CENPP: variants seen among roughly 807,000 people sequenced by gnomAD.
The protein encoded by CENPP is centromere protein P.
CENPP carries 24 observed loss-of-function variants against 35.6 expected under a neutral mutation model. The ratio of observed to expected loss-of-function variants is 0.67; its 90% CI spans 0.49 to 0.95. The LOEUF is 0.95. CENPP is among the 40% of genes least tolerant of loss of function. The pLI, the probability that CENPP is intolerant of heterozygous loss-of-function variation, is 0.00. For missense variants in CENPP, 332 were observed against 345.3 expected (o/e 0.96, Z 0.31); for synonymous variants, 120 against 125.5 (o/e 0.96, Z 0.29).
At chr9:92,609,573 G>A (rs1365046886) in intron 5 of CENPP, among the ~76,000 whole-genome samples, 1 of 152,222 alleles carries the variant, frequency 6.6e-6, no homozygotes, top group Non-Finnish European at 1.5e-5. Context: ...GCACCCCCAG[G>A]CTTCTATATC....
In CENPP at chr9:92,616,257, C is replaced by T. The variant is rs1851430137; in HGVS notation, c.*3108C>T. On this transcript the variant is annotated 3_prime_UTR_variant, in exon 8 of 8. Transcript: ENST00000375587. Reference sequence around the variant, plus strand: ...GCTCACAAAGAGCACTCGTTCTGTGCACCTGTGATCTGTGCGTGTGACAGC... The same window carrying T: ...GCTCACAAAGAGCACTCGTTCTGTGTACCTGTGATCTGTGCGTGTGACAGC... 1.9e-6 allele frequency: 1 copy of T among 532,216 alleles called. No homozygotes were observed. The highest frequency in any genetic ancestry group is 3.2e-5 in the Admixed American group (1 of 31,340). The allele number at this position is 532,216 out of a possible 1,614,324, so 33.0% of individuals were successfully genotyped here.
intron 5 of CENPP, chr9:92,389,653 T>G (rs1053019172): frequency 2.3e-6 from 1 of 435,260 alleles, no homozygotes; most frequent in African/African-American, 2.0e-5. Context: ...AAATAAAGGT[T>G]ATGTATTTTA....
At chr9:92,448,322 T>G (rs1588135933) in intron 5 of CENPP, among the ~76,000 whole-genome samples, 2 of 151,770 alleles carry the variant, frequency 1.3e-5, no homozygotes, top group South Asian at 4.2e-4. Flanking sequence ...GAGGCTGGTG[T>G]GCGGTGGCAT....
At position 92,379,802 on chromosome 9, in the gene CENPP, C is replaced by A; in HGVS notation, c.507C>A (p.Ser169Arg). 6.2e-7 allele frequency: 1 copy of A among 1,613,444 alleles called. No individual in the cohort carries two copies. Among genetic ancestry groups the A allele is most frequent in the Non-Finnish European group, 8.5e-7 (1 of 1,179,486 alleles). The change falls in exon 5 of 8, where the codon AGC becomes AGA. Residue 169 changes from serine (S) to arginine (R), a missense_variant. Coordinates refer to ENST00000375587, the MANE Select transcript of CENPP (RefSeq NM_001012267.3). ...AAGATCTGTTCATGTTTTTCCGAAG[C>A]CTGCATTTTTTTGTGGAGTGGTTTG... ...ERKDLFMFFR[S>R]LHFFVEWFEY... is the part of the protein sequence containing the mutation.
At chr9:92,590,171 T>C (rs567241214) in intron 5 of CENPP, among the ~76,000 whole-genome samples, 1 of 152,336 alleles carries the variant, frequency 6.6e-6, no homozygotes, top group Admixed American at 6.5e-5. Context: ...TGAGGTACAG[T>C]TCAACAAAGA....
At chr9:92,493,878 T>C in intron 5 of CENPP, 1 of 366,308 alleles carries the variant, frequency 2.7e-6, no homozygotes. Flanking sequence ...CAGAGCAGAG[T>C]TGAGAAGCGA....
chr9:92,597,029 A>G (rs1402941865), intron 5 of CENPP, among the ~76,000 whole-genome samples: 1 of 152,164 alleles, frequency 6.6e-6, no homozygotes, highest in Non-Finnish European at 1.5e-5. Flanking sequence ...TGCTGCTACA[A>G]ATTGATTGTG....
chr9:92,452,048 G>GGA (rs1844726709), intron 5 of CENPP, among the ~76,000 whole-genome samples: 1 of 148,230 alleles, frequency 6.7e-6, no homozygotes, highest in Non-Finnish European at 1.5e-5. Context: ...CTGCAAACAG[G>GGA]GACAATTTGA....
At chr9:92,500,429 C>T (rs1417096388) in intron 5 of CENPP, among the ~76,000 whole-genome samples, 1 of 152,206 alleles carries the variant, frequency 6.6e-6, no homozygotes, top group African/African-American at 2.4e-5. Context: ...GTGATCCGCC[C>T]GCCTTGGCGT....
chr9:92,510,153 A>C, intron 5 of CENPP: 1 of 1,148,238 alleles, frequency 8.7e-7, no homozygotes, highest in Non-Finnish European at 1.2e-6. Flanking sequence ...TTAGACAGTA[A>C]TGTCCAGGCC....
chr9:92,472,302 A>G (rs1414768539), intron 5 of CENPP, among the ~76,000 whole-genome samples: 2 of 152,026 alleles, frequency 1.3e-5, no homozygotes, highest in African/African-American at 4.8e-5. Flanking sequence ...GGTTGCAGTG[A>G]GCCAAGATAG....
intron 5 of CENPP, among the ~76,000 whole-genome samples, chr9:92,576,264 T>A (rs978444402): frequency 6.6e-6 from 1 of 152,176 alleles, no homozygotes; most frequent in Non-Finnish European, 1.5e-5. Flanking sequence ...AGACAAATAC[T>A]GTATGATTTC....
At chr9:92,537,044 ATT>A (rs112330831) in intron 5 of CENPP, among the ~76,000 whole-genome samples, 1 of 142,562 alleles carries the variant, frequency 7.0e-6, no homozygotes, top group African/African-American at 2.6e-5. Context: ...TAATTTTTGT[ATT>A]TTTTTTTTTA....
In CENPP at chr9:92,618,765, G is replaced by A; in HGVS notation, c.*5616G>A. On this transcript the variant is annotated 3_prime_UTR_variant, in exon 8 of 8. Coordinates refer to ENST00000375587, the MANE Select transcript of CENPP (RefSeq NM_001012267.3). ...GCCTGCCAGGGAACAGGAATCCTGG[G>A]AACTGTTTAGTTCAAAAGCACCGGG... 2.8e-6 allele frequency: 1 copy of A among 357,942 alleles called. No individual in the cohort carries two copies. Among genetic ancestry groups the A allele is most frequent in the East Asian group, 7.4e-5 (1 of 13,602 alleles). 22.2% of individuals were successfully genotyped at this position (357,942 alleles called of 1,614,324 possible). A position where few individuals can be genotyped will look rare whatever the true frequency, so the allele number is the denominator to read the frequency against.
At position 92,398,738 on chromosome 9, in the gene CENPP, G is replaced by T. The variant is rs185084542; in HGVS notation, c.564+18879G>T. Among the ~76,000 whole-genome samples the T allele has an allele frequency of 8.5e-5, 13 of 152,172 alleles. 1 individual carries two copies. Among genetic ancestry groups the T allele is most frequent in the Admixed American group, 6.5e-4 (10 of 15,284 alleles). On this transcript the variant is annotated intron_variant, in intron 5 of 7. Coordinates refer to ENST00000375587, the MANE Select transcript of CENPP (RefSeq NM_001012267.3). ...TTGCATGCAATGCTTTAGTGATTTT[G>T]CATTTGTATTTTATTTTGGAGTATA...
intron 5 of CENPP, among the ~76,000 whole-genome samples, chr9:92,533,319 AAAAAAAAAAATATATATATAT>A (rs1363810654): frequency 9.7e-6 from 1 of 103,506 alleles, no homozygotes; most frequent in East Asian, 4.8e-4. Flanking sequence ...AAAAAAAAAA[AAAAAAAAAAATATATATATAT>A]ATATATATAT....
At chr9:92,408,464 G>A (rs1441546376) in intron 5 of CENPP, among the ~76,000 whole-genome samples, 1 of 152,180 alleles carries the variant, frequency 6.6e-6, no homozygotes, top group East Asian at 1.9e-4. Flanking sequence ...GATTACAGGT[G>A]TGAGCCATTG....
intron 3 of CENPP, among the ~76,000 whole-genome samples, chr9:92,345,491 CAAA>C (rs34508753): frequency 7.9e-5 from 6 of 75,984 alleles, no homozygotes; most frequent in Admixed American, 1.4e-4. Flanking sequence ...ACTCCGTCTC[CAAA>C]AAAAAAAAAA....
intron 4 of CENPP, among the ~76,000 whole-genome samples, chr9:92,346,887 G>A (rs1270279743): frequency 6.6e-6 from 1 of 151,880 alleles, no homozygotes; most frequent in Non-Finnish European, 1.5e-5. Flanking sequence ...CCCGTCTGCT[G>A]TTAAGGGAAG....
Sources: gnomAD v4.1 joint callset for allele counts (sites outside exome capture counted in the v4.1 genomes callset) on GRCh38, gnomAD v4.1.1 for gene constraint, MANE v1.5 for transcripts, NCBI Gene and HGNC (gene_info 2026-07-23, HGNC 2026-07-21) for gene names.